Variants in ADGRD1 observed in about 807,000 individuals in gnomAD.
ADGRD1 encodes the protein G-protein coupled receptor 133.
A neutral mutation model predicts 113.4 loss-of-function variants in ADGRD1; 77 were observed. The observed-to-expected ratio is 0.68, with a 90% confidence interval of 0.57 to 0.82. ADGRD1 has a LOEUF of 0.82. Ranked by LOEUF, ADGRD1 falls within the 40% of genes least tolerant of loss-of-function variation. ADGRD1 has a pLI of 0.00. For missense variants in ADGRD1, 1,036 were observed against 1,139.1 expected (o/e 0.91, Z 1.30); for synonymous variants, 474 against 475.0 (o/e 1.00, Z 0.03).
intron 13 of ADGRD1, among the ~76,000 whole-genome samples, chr12:131,037,205 ACCAGGTC>A (rs1881570353): frequency 7.2e-6 from 1 of 139,634 alleles, no homozygotes; most frequent in Non-Finnish European, 1.5e-5. Flanking sequence ...CACTCACTAC[ACCAGGTC>A]TCACTCACTG....
chr12:130,962,786 T>C (rs1472500561), intron 2 of ADGRD1: 1 of 152,200 alleles, frequency 6.6e-6, no homozygotes, highest in African/African-American at 2.4e-5. Flanking sequence ...ATTACAGAGT[T>C]AACTTTGTTC....
chr12:131,010,536 G>C (rs573269313), intron 12 of ADGRD1, among the ~76,000 whole-genome samples: 103 of 152,282 alleles, frequency 6.8e-4, no homozygotes, highest in African/African-American at 2.3e-3. Context: ...GGAAGTCTCT[G>C]TGTCTCCTCA....
chr12:131,063,977 A>T (rs754499311), intron 13 of ADGRD1, among the ~76,000 whole-genome samples: 10 of 152,120 alleles, frequency 6.6e-5, no homozygotes, highest in Non-Finnish European at 1.2e-4. Flanking sequence ...TGTATTTTGT[A>T]GTTTTTGGCA....
intron 6 of ADGRD1, 182 bp from the exon 7 acceptor site, chr12:130,990,832 C>T (rs1190897298): frequency 1.5e-5 from 8 of 529,138 alleles, no homozygotes; most frequent in Admixed American, 7.1e-5. Context: ...AAAATCTATA[C>T]GGTCGACTCA....
At chr12:131,077,971 A>C (rs1885772373) in intron 14 of ADGRD1, among the ~76,000 whole-genome samples, 1 of 152,174 alleles carries the variant, frequency 6.6e-6, no homozygotes, top group Admixed American at 6.5e-5. Context: ...GCTGGAACAC[A>C]TCTGGGACAT....
intron 14 of ADGRD1, among the ~76,000 whole-genome samples, chr12:131,079,489 G>A (rs909426652): frequency 1.3e-5 from 2 of 151,996 alleles, no homozygotes; most frequent in Non-Finnish European, 2.9e-5. Context: ...TTTTTATATC[G>A]AGGTAATGAT....
intron 5 of ADGRD1, among the ~76,000 whole-genome samples, chr12:130,986,310 CTTGT>C (rs971019585): frequency 6.6e-5 from 10 of 152,024 alleles, no homozygotes; most frequent in East Asian, 1.9e-4. Context: ...TTATTTAGTT[CTTGT>C]TTAATTTCTT....
chr12:131,136,015 G>A (rs780292481), intron 21 of ADGRD1, 22 bp from the exon 22 acceptor site: 5 of 1,613,800 alleles, frequency 3.1e-6, no homozygotes, highest in Non-Finnish European at 4.2e-6. Flanking sequence ...CACTCAGGGT[G>A]ACTGTCACTG....
intron 20 of ADGRD1, among the ~76,000 whole-genome samples, chr12:131,125,773 C>G (rs1340724116): frequency 1.3e-5 from 2 of 152,170 alleles, no homozygotes; most frequent in African/African-American, 4.8e-5. Context: ...TACATATAAC[C>G]TACAGAACAT....
intron 20 of ADGRD1, among the ~76,000 whole-genome samples, chr12:131,130,955 G>T (rs1310802040): frequency 1.3e-5 from 2 of 152,210 alleles, no homozygotes; most frequent in Non-Finnish European, 2.9e-5. Flanking sequence ...CTTTATCCTG[G>T]AACTGGACTC....
chr12:130,954,721 A>T lies in ADGRD1; in HGVS notation c.103+61A>T. 5.4e-6 allele frequency: 8 copies of T among 1,472,206 alleles called. No homozygotes were observed. The highest frequency in any genetic ancestry group is 7.6e-6 in the Non-Finnish European group (8 of 1,052,158). The allele number at this position is 1,472,206 out of a possible 1,614,324, so 91.2% of individuals were successfully genotyped here. A position where few individuals can be genotyped will look rare whatever the true frequency, so the allele number is the denominator to read the frequency against. ...TCCCCCTGCCTAGTGCAGGTATCTCAGGAACAGCCCACTTGTTCATCTCTG... is the reference window on the plus strand; with the variant it reads ...TCCCCCTGCCTAGTGCAGGTATCTCTGGAACAGCCCACTTGTTCATCTCTG... On this transcript the variant is annotated intron_variant, in intron 2 of 24. Coordinates refer to ENST00000261654, the MANE Select transcript of ADGRD1 (RefSeq NM_198827.5). The surrounding 1 kb of genome is among the most constrained non-coding windows in gnomAD (Gnocchi z 4.7).
At chr12:131,081,125 C>T (rs1886040099) in intron 14 of ADGRD1, among the ~76,000 whole-genome samples, 1 of 152,054 alleles carries the variant, frequency 6.6e-6, no homozygotes. Context: ...TGTTTGAGTG[C>T]TGTATCTTTT....
At chr12:130,991,400 T>C (rs1874371571) in intron 7 of ADGRD1, among the ~76,000 whole-genome samples, 1 of 152,004 alleles carries the variant, frequency 6.6e-6, no homozygotes, top group African/African-American at 2.4e-5. Context: ...GCCCTTTTCG[T>C]TTGATGTTAG....
intron 13 of ADGRD1, among the ~76,000 whole-genome samples, chr12:131,021,647 A>G (rs1879334383): frequency 6.6e-6 from 1 of 152,060 alleles, no homozygotes; most frequent in Non-Finnish European, 1.5e-5. Flanking sequence ...CGGCTTGCAG[A>G]CAGTGTCTTC....
At chr12:131,004,392 G>GCTGCGGTGCTGCCCCGGGCCGC in intron 11 of ADGRD1, 96 bp downstream of exon 11, 1 of 790,718 alleles carries the variant, frequency 1.3e-6, no homozygotes, top group Non-Finnish European at 2.1e-6. Context: ...GCGCCAGGGA[G>GCTGCGGTGCTGCCCCGGGCCGC]CTGCGGTGCT....
intron 15 of ADGRD1, among the ~76,000 whole-genome samples, chr12:131,090,166 G>A (rs532352915): frequency 4.6e-5 from 7 of 152,166 alleles, no homozygotes; most frequent in Non-Finnish European, 8.8e-5. Flanking sequence ...GGAGCAAATC[G>A]CATCTATTCA....
At chr12:131,014,535 G>A (rs894833783) in intron 13 of ADGRD1, among the ~76,000 whole-genome samples, 195 bp downstream of exon 13, 25 of 152,338 alleles carry the variant, frequency 1.6e-4, no homozygotes, top group African/African-American at 6.0e-4. Context: ...CTCGCATAGT[G>A]CCTGGGCTGG....
intron 23 of ADGRD1, 169 bp downstream of exon 23, chr12:131,137,183 C>A: frequency 1.5e-6 from 1 of 648,324 alleles, no homozygotes; most frequent in Admixed American, 2.4e-5. Context: ...TGCTGCTGAG[C>A]AGCTCTTCTC....
intron 4 of ADGRD1, among the ~76,000 whole-genome samples, chr12:130,974,613 T>C (rs1400327862): frequency 2.0e-5 from 3 of 152,192 alleles, no homozygotes; most frequent in Non-Finnish European, 4.4e-5. Context: ...AACGCTTAAA[T>C]AGAGAAATGC....
Sources: gnomAD v4.1 joint callset for allele counts (sites outside exome capture counted in the v4.1 genomes callset) on GRCh38, gnomAD v4.1.1 for gene constraint, Gnocchi (gnomAD v3.1) non-coding constraint, MANE v1.5 for transcripts, NCBI Gene and HGNC (gene_info 2026-07-23, HGNC 2026-07-21) for gene names.